The following ETV7 variants were observed in gnomAD, a reference collection of about 807,000 sequenced individuals.
The protein encoded by ETV7 is ETS variant transcription factor 7, also known as transcription factor ETV7.
In ETV7, 43 loss-of-function variants were observed where a neutral mutation model predicts 39.1. That is an observed-to-expected ratio of 1.10 (90% CI 0.86 to 1.42). ETV7 has a LOEUF of 1.42. Ranked by LOEUF, ETV7 falls within the 40% of genes most tolerant of loss-of-function variation. ETV7 has a pLI of 0.00. For missense variants in ETV7, 432 were observed against 442.3 expected (o/e 0.98, Z 0.21); for synonymous variants, 196 against 176.6 (o/e 1.11, Z -0.87).
chr6:36,373,680 G>C, intron 3 of ETV7, 102 bp from the exon 4 acceptor site: 1 of 1,343,510 alleles, frequency 7.4e-7, no homozygotes, highest in Middle Eastern at 2.6e-4. Context: ...GGGCTGGCAT[G>C]TCTTGTCACA....
chr6:36,371,582 T>C, intron 4 of ETV7, 22 bp from the exon 5 acceptor site: 1 of 1,554,940 alleles, frequency 6.4e-7, no homozygotes, highest in Non-Finnish European at 8.7e-7. Context: ...TGAGCACCAG[T>C]GGTAGCAGGC....
At chr6:36,357,882 A>G (rs75502165) in intron 7 of ETV7, among the ~76,000 whole-genome samples, 2,335 of 140,336 alleles carry the variant, frequency 0.017, 54 homozygotes, top group South Asian at 0.059. Flanking sequence ...TGTCTCAAAA[A>G]CAAAAACAAA....
At chr6:36,357,290 G>C (rs1292942943) in intron 7 of ETV7, among the ~76,000 whole-genome samples, 4 of 152,094 alleles carry the variant, frequency 2.6e-5, no homozygotes, top group Admixed American at 2.6e-4. Flanking sequence ...TTAAGTAGGA[G>C]AACACAGCCA....
At chr6:36,365,123 TC>T (rs1253266044), downstream of ETV7, among the ~76,000 whole-genome samples, 1 of 152,184 alleles carries the variant, frequency 6.6e-6, no homozygotes. Context: ...GGTAGTTTCC[TC>T]CTTCTGAGAA....
exon 8 of ETV7, chr6:36,354,439 A>C (rs888185365): frequency 2.3e-6 from 1 of 428,320 alleles, no homozygotes; most frequent in Non-Finnish European, 4.2e-6. Flanking sequence ...GAGATGGTGT[A>C]AGGTAAGGGG....
At chr6:36,363,433 T>G (rs1310676180), downstream of ETV7, among the ~76,000 whole-genome samples, 1 of 152,044 alleles carries the variant, frequency 6.6e-6, no homozygotes, top group Non-Finnish European at 1.5e-5. Flanking sequence ...ACCTTCACGG[T>G]GAGTGTTACA....
At chr6:36,376,108 T>A in intron 2 of ETV7, 73 bp from the exon 3 acceptor site, 1 of 1,405,488 alleles carries the variant, frequency 7.1e-7, no homozygotes, top group Non-Finnish European at 9.6e-7. Context: ...GAACACTTCA[T>A]CTGAGCAGAT....
chr6:36,364,270 G>A (rs917185934), downstream of ETV7, among the ~76,000 whole-genome samples: 7 of 152,240 alleles, frequency 4.6e-5, no homozygotes, highest in Non-Finnish European at 7.3e-5. Context: ...ACTGGGCGCT[G>A]TGGAGCAGGG....
intron 2 of ETV7, among the ~76,000 whole-genome samples, chr6:36,377,617 C>A (rs1276470722): frequency 6.6e-6 from 1 of 152,222 alleles, no homozygotes; most frequent in Non-Finnish European, 1.5e-5. Context: ...AGACCAGCCT[C>A]TGCTCCCTTA....
At chr6:36,368,186 G>A (rs1447979731) in intron 6 of ETV7, among the ~76,000 whole-genome samples, 6 of 152,136 alleles carry the variant, frequency 3.9e-5, no homozygotes, top group East Asian at 1.9e-4. Context: ...CTCCACATCC[G>A]ACAACACCTA....
At chr6:36,358,256 A>T (rs945918608) in intron 7 of ETV7, among the ~76,000 whole-genome samples, 52 of 152,348 alleles carry the variant, frequency 3.4e-4, no homozygotes, top group African/African-American at 1.2e-3. Context: ...TTGCATTGTC[A>T]GAAAGGCACT....
chr6:36,368,684 CTAAGCAAAGGTAAGAT>C (rs1772845610), intron 6 of ETV7, among the ~76,000 whole-genome samples: 1 of 152,182 alleles, frequency 6.6e-6, no homozygotes, highest in Admixed American at 6.5e-5. Context: ...GCCTGAAATA[CTAAGCAAAGGTAAGAT>C]TAAGCAATGA....
chr6:36,356,333 A>AC lies in ETV7; in HGVS notation c.909-1647_909-1646insG, dbSNP rs1275309313. The stretch of plus-strand genomic sequence containing the variant: ...AGTGAGACCCTGTCTCAAAAAAAAA[A>AC]AAAAAACAAAAAAAAACACAAACAA... On this transcript the variant is annotated intron_variant, in intron 7 of 7. Coordinates refer to the ETV7 transcript ENST00000339796. Among the ~76,000 whole-genome samples, 10 of 151,018 alleles carry AC rather than the reference A, an allele frequency of 6.6e-5. 1 individual carries two copies. Among genetic ancestry groups the AC allele is most frequent in the Admixed American group, 2.0e-4 (3 of 15,200 alleles).
rs371274578 is a variant in ETV7, at chr6:36,359,390, G to C, written c.909-4703C>G. On this transcript the variant is annotated intron_variant, in intron 7 of 7. Coordinates refer to the ETV7 transcript ENST00000339796. ...CACTTGAACCTAGGAGGCGGAGGTT[G>C]CGGTGAGCCAAGATTGCACCATTGC... Among the ~76,000 whole-genome samples, 14 of 151,980 alleles carry C rather than the reference G, an allele frequency of 9.2e-5. No individual in the cohort carries two copies. The South Asian group carries it at 2.9e-3, about 32-fold the overall frequency.
Position 36,366,691 on chromosome 6 carries a change from T to C in ETV7, c.980A>G (p.Gln327Arg). The C allele has an allele frequency of 6.2e-7, 1 of 1,614,202 alleles. No homozygotes were observed. The highest frequency in any genetic ancestry group is 2.2e-5 in the East Asian group (1 of 44,878). ...SHLEPLESQEQDRIEFKDKRP... is the reference protein window; with the variant it reads ...SHLEPLESQERDRIEFKDKRP... ...CTTGTCCTTGAACTCTATTCTGTCC[T>C]GCTCCTGGCTCTCCAGCGGCTCCAG... The change falls in exon 8 of 8, where the codon CAG becomes CGG. Residue 327 changes from glutamine (Q) to arginine (R), a missense_variant. Transcript: ENST00000340181.
intron 4 of ETV7, among the ~76,000 whole-genome samples, chr6:36,371,837 T>G (rs1471164951): frequency 6.6e-6 from 1 of 152,194 alleles, no homozygotes; most frequent in African/African-American, 2.4e-5. Flanking sequence ...CAGAGCCAGG[T>G]CTAGAACCCA....
intron 2 of ETV7, among the ~76,000 whole-genome samples, chr6:36,379,245 A>G (rs1773527866): frequency 6.6e-6 from 1 of 152,242 alleles, no homozygotes; most frequent in African/African-American, 2.4e-5. Flanking sequence ...CTGAAAATTC[A>G]AAACTGTGAT....
chr6:36,382,534 C>G (rs1404606040), intron 2 of ETV7, among the ~76,000 whole-genome samples: 1 of 152,276 alleles, frequency 6.6e-6, no homozygotes, highest in East Asian at 1.9e-4. Flanking sequence ...CTGAGAAGCC[C>G]TGGTCTGGAA....
At chr6:36,355,541 A>G (rs568665016) in intron 7 of ETV7, among the ~76,000 whole-genome samples, 1 of 152,196 alleles carries the variant, frequency 6.6e-6, no homozygotes, top group East Asian at 1.9e-4. Flanking sequence ...CCTCCCAAGT[A>G]TCTGGGATTA....
Sources: allele counts gnomAD v4.1 joint callset (sites outside exome capture counted in the v4.1 genomes callset), GRCh38; gene constraint gnomAD v4.1.1; transcripts MANE v1.5; gene names NCBI Gene and HGNC (gene_info 2026-07-23, HGNC 2026-07-21).